The following TNS3 variants were observed in gnomAD, a reference collection of about 807,000 sequenced individuals.
TNS3 encodes tensin-3.
Under a neutral mutation model 140.9 loss-of-function variants are expected in TNS3, and 45 were observed. The ratio of observed to expected loss-of-function variants is 0.32; its 90% CI spans 0.25 to 0.41. TNS3 has a LOEUF of 0.41. TNS3 is among the 10% of genes least tolerant of loss of function. The probability of loss-of-function intolerance (pLI) is 1.00; values close to 1 mark genes in which losing one functional copy is unlikely to be tolerated. For synonymous variants in TNS3, 815 were observed against 788.4 expected (o/e 1.03, Z -0.56); for missense variants, 1,716 against 1,906.7 (o/e 0.90, Z 1.86).
intron 13 of TNS3, chr7:47,403,363 CAT>C (rs1316182349): frequency 6.6e-6 from 1 of 152,256 alleles, no homozygotes; most frequent in Non-Finnish European, 1.5e-5. Flanking sequence ...CTCCAGGCCC[CAT>C]ATGATTCTCC....
At chr7:47,386,371 A>G (rs117900357) in intron 16 of TNS3, among the ~76,000 whole-genome samples, 3,748 of 152,270 alleles carry the variant, frequency 0.025, 59 homozygotes, top group Non-Finnish European at 0.041. Context: ...CCTGGGGTCA[A>G]TGGCTTTCCC....
chr7:47,410,938 C>G (rs1398659578), intron 13 of TNS3, among the ~76,000 whole-genome samples: 4 of 152,172 alleles, frequency 2.6e-5, no homozygotes, highest in Admixed American at 1.3e-4. Context: ...CTAATCTCCT[C>G]CAAGAACCAA....
At chr7:47,353,742 C>A (rs1246069282) in intron 17 of TNS3, among the ~76,000 whole-genome samples, 1 of 152,108 alleles carries the variant, frequency 6.6e-6, no homozygotes, top group African/African-American at 2.4e-5. Context: ...CTACCACAGC[C>A]CAGCACCCCT....
At chr7:47,448,476 A>AT (rs71003401) in intron 4 of TNS3, among the ~76,000 whole-genome samples, 3,873 of 129,568 alleles carry the variant, frequency 0.03, 171 homozygotes, top group Middle Eastern at 0.099. Context: ...TGGGAATTCG[A>AT]TTTTTTTTTT....
intron 4 of TNS3, among the ~76,000 whole-genome samples, chr7:47,467,965 T>C (rs1562777379): frequency 6.6e-6 from 1 of 152,050 alleles, no homozygotes; most frequent in Admixed American, 6.6e-5. Flanking sequence ...ATATAAATAA[T>C]GCACAAACGA....
chr7:47,305,078 A>C, intron 20 of TNS3, 75 bp from the exon 21 acceptor site: 1 of 1,190,706 alleles, frequency 8.4e-7, no homozygotes, highest in Non-Finnish European at 1.1e-6. Flanking sequence ...CTGCTTTTGC[A>C]TGTTCCACAA....
chr7:47,352,528 AACCTCAC>A lies in TNS3; in HGVS notation c.2282-6179_2282-6173del, dbSNP rs570073113. Among the ~76,000 whole-genome samples, 318 of 152,266 alleles carry A rather than the reference AACCTCAC, an allele frequency of 2.1e-3. 1 individual carries two copies. Among genetic ancestry groups the A allele is most frequent in the Non-Finnish European group, 1.1e-3 (72 of 68,016 alleles). The stretch of plus-strand genomic sequence containing the variant: ...CCCACCTCATCACCCTGTATCTGCA[AACCTCAC>A]ACCTGTGTCAAACAAGCCCTTCTCC... On this transcript the variant is annotated intron_variant, in intron 17 of 30. Transcript: ENST00000311160.
intron 16 of TNS3, among the ~76,000 whole-genome samples, chr7:47,389,097 A>AGGAAGAGGAAGC (rs1792321753): frequency 1.8e-5 from 1 of 55,634 alleles, no homozygotes; most frequent in African/African-American, 9.8e-5. Context: ...GAAGAGGAAG[A>AGGAAGAGGAAGC]GGAAGCGGAA....
chr7:47,457,728 T>G (rs1340791024), intron 4 of TNS3, among the ~76,000 whole-genome samples: 1 of 152,192 alleles, frequency 6.6e-6, no homozygotes, highest in East Asian at 1.9e-4. Flanking sequence ...CACTCATCCT[T>G]TCTGCAGAGG....
chr7:47,306,274 A>G (rs982639468), intron 20 of TNS3, among the ~76,000 whole-genome samples: 1 of 152,184 alleles, frequency 6.6e-6, no homozygotes, highest in Non-Finnish European at 1.5e-5. Context: ...TATCCAAAAA[A>G]AGCAAGGGAA....
intron 8 of TNS3, among the ~76,000 whole-genome samples, chr7:47,433,816 C>G (rs1249749836): frequency 6.6e-6 from 1 of 152,178 alleles, no homozygotes; most frequent in Admixed American, 6.5e-5. Context: ...AATCACCACA[C>G]CAAGCCTGAA....
At chr7:47,319,216 G>C (rs1375203912) in intron 20 of TNS3, among the ~76,000 whole-genome samples, 1 of 152,196 alleles carries the variant, frequency 6.6e-6, no homozygotes, top group Admixed American at 6.5e-5. Flanking sequence ...GAAGGCTGTA[G>C]AAAAAGCATC....
At chr7:47,380,415 G>A (rs1269125926) in intron 16 of TNS3, among the ~76,000 whole-genome samples, 1 of 152,208 alleles carries the variant, frequency 6.6e-6, no homozygotes, top group African/African-American at 2.4e-5. Flanking sequence ...TGGCCACAGA[G>A]GCGGCCAGAG....
chr7:47,474,903 C>A (rs1026353783), intron 4 of TNS3, among the ~76,000 whole-genome samples: 10 of 143,866 alleles, frequency 7.0e-5, no homozygotes, highest in South Asian at 2.3e-4. Flanking sequence ...GCAACACACA[C>A]AAAAAAAAAC....
chr7:47,329,327 A>G (rs1788202913), intron 20 of TNS3, among the ~76,000 whole-genome samples: 1 of 152,184 alleles, frequency 6.6e-6, no homozygotes, highest in Non-Finnish European at 1.5e-5. Context: ...CTGGAAGAGC[A>G]GGTCCCCGTT....
At chr7:47,457,108 AAGGGG>A (rs1163349578) in intron 4 of TNS3, among the ~76,000 whole-genome samples, 2 of 29,848 alleles carry the variant, frequency 6.7e-5, no homozygotes, top group East Asian at 1.2e-3. Context: ...TGTGCTGGTA[AAGGGG>A]AGGGGAGGGG....
chr7:47,342,977 A>T (rs1300410416), intron 20 of TNS3, among the ~76,000 whole-genome samples: 3 of 151,798 alleles, frequency 2.0e-5, no homozygotes, highest in Non-Finnish European at 4.4e-5. Flanking sequence ...TGTGAAGTTG[A>T]CCCTCCCTGG....
intron 17 of TNS3, among the ~76,000 whole-genome samples, chr7:47,354,972 C>T (rs1789905817): frequency 6.6e-6 from 1 of 152,088 alleles, no homozygotes; most frequent in African/African-American, 2.4e-5. Flanking sequence ...TGGGTGCTAC[C>T]CACCCAGAGC....
chr7:47,505,794 C>T (rs1222342834), intron 3 of TNS3, among the ~76,000 whole-genome samples: 1 of 152,064 alleles, frequency 6.6e-6, no homozygotes, highest in Non-Finnish European at 1.5e-5. Flanking sequence ...TGTTTGTGTG[C>T]ATGTGTATTT....
Sources: gnomAD v4.1 joint callset for allele counts (sites outside exome capture counted in the v4.1 genomes callset) on GRCh38, gnomAD v4.1.1 for gene constraint, MANE v1.5 for transcripts, NCBI Gene and HGNC (gene_info 2026-07-23, HGNC 2026-07-21) for gene names.